Variants in SIM2 observed in about 807,000 individuals in gnomAD.
SIM2 encodes SIM bHLH transcription factor 2.
SIM2 carries 28 observed loss-of-function variants against 64.8 expected under a neutral mutation model. The ratio of observed to expected loss-of-function variants is 0.43; its 90% CI spans 0.32 to 0.59. The LOEUF (loss-of-function observed/expected upper bound fraction) is 0.59. SIM2 is among the 20% of genes least tolerant of loss of function. SIM2 has a pLI of 0.07. For synonymous variants in SIM2, 408 were observed against 391.1 expected, an observed-to-expected ratio of 1.04 and a Z score of -0.51; for missense variants, 847 against 871.4, an observed-to-expected ratio of 0.97 and a Z score of 0.35.
In SIM2 at chr21:36,709,185, G is replaced by A; in HGVS notation, c.193G>A (p.Gly65Arg). ...VFPEGLGDAW[G>R]QPSRAGPLDG... ...TCGTCCAGGTTTAGGAGACGCGTGG[G>A]GACAGCCGAGCCGCGCCGGGCCCCT... Residue 65 changes from glycine (G) to arginine (R), a missense_variant, in exon 2 of 11, where the codon GGA (glycine) becomes AGA (arginine). Physicochemically the swap from Gly to Arg is moderately radical, Grantham distance 125. This residue lies in a region of SIM2 where 397 missense variants were observed against 439.2 expected (regional missense o/e 0.90). Transcript: ENST00000290399. The A allele has an allele frequency of 1.2e-6, 2 of 1,610,010 alleles. No homozygotes were observed. Among genetic ancestry groups the A allele is most frequent in the East Asian group, 2.2e-5 (1 of 44,688 alleles).
At chr21:36,707,973 G>GTTCCTGGGGGGGGGAGCGGGCAT (rs780782783) in intron 1 of SIM2, among the ~76,000 whole-genome samples, 4 of 150,990 alleles carry the variant, frequency 2.6e-5, no homozygotes, top group South Asian at 2.1e-4. Context: ...GCCTGGCCCA[G>GTTCCTGGGGGGGGGAGCGGGCAT]CGTGGGTTGG....
intron 1 of SIM2, among the ~76,000 whole-genome samples, chr21:36,704,278 A>G (rs932630970): frequency 2.6e-5 from 4 of 152,366 alleles, no homozygotes; most frequent in African/African-American, 9.6e-5. Flanking sequence ...TTGGGTGAGG[A>G]GAAACTCACC....
rs1010250740 is a variant in SIM2 at position 36,741,982 on chromosome 21, G to GT, written c.998+126dup. ...TTCTCAAACTGTTCATTTGTCTTCT[G>GT]TTTTTTTTCTTTTTTTTAATTTTTT... On this transcript the variant is annotated intron_variant, in intron 8 of 10. Coordinates refer to ENST00000290399, the MANE Select transcript of SIM2 (RefSeq NM_005069.6). The GT allele has an allele frequency of 1.6e-4, 165 of 1,062,456 alleles. 1 individual carries two copies. The highest frequency in any genetic ancestry group is 1.3e-3 in the Middle Eastern group (6 of 4,562). 65.8% of individuals were successfully genotyped at this position (1,062,456 alleles called of 1,614,324 possible). A position where few individuals can be genotyped will look rare whatever the true frequency, so the allele number is the denominator to read the frequency against.
In SIM2 at chr21:36,745,367, G is replaced by C; in HGVS notation, c.1576+231G>C. 1.4e-6 allele frequency: 2 copies of C among 1,407,954 alleles called. No individual in the cohort carries two copies. The highest frequency in any genetic ancestry group is 2.7e-5 in the East Asian group (1 of 36,998). The allele number at this position is 1,407,954 out of a possible 1,614,324, so 87.2% of individuals were successfully genotyped here. On this transcript the variant is annotated intron_variant, in intron 10 of 10. Transcript: ENST00000290399. This position sits in a 1 kb window ranked among gnomAD's most constrained non-coding sequence, Gnocchi z 4.8. The stretch of plus-strand genomic sequence containing the variant: ...TCGGGGACACTAGTGACAGTATAAA[G>C]GGCAAAGGAAAACCGAGTATCTGGC...
chr21:36,723,094 G>A lies in SIM2; in HGVS notation c.507G>A (p.Ala169=), dbSNP rs2088845475. ...TTCTTCGAATGAAATGTGTCTTGGC[G>A]AAAAGGAACGCGGGCCTGACCTGCA... ...SFFLRMKCVL[A]KRNAGLTCSG... Residue 169 remains alanine, a synonymous_variant, in exon 5 of 11, where the codon GCG becomes GCA. Transcript: ENST00000290399. The A allele has an allele frequency of 9.9e-6, 16 of 1,614,168 alleles. No individual in the cohort carries two copies. The highest frequency in any genetic ancestry group is 1.3e-5 in the Non-Finnish European group (15 of 1,180,026).
At chr21:36,739,300 G>A (rs1367716713) in intron 7 of SIM2, among the ~76,000 whole-genome samples, 2 of 152,096 alleles carry the variant, frequency 1.3e-5, no homozygotes, top group African/African-American at 4.8e-5. Context: ...GTCACAGGGG[G>A]GTTGGTAGCT....
intron 1 of SIM2, among the ~76,000 whole-genome samples, chr21:36,707,216 C>G (rs1380118625): frequency 2.0e-5 from 3 of 152,242 alleles, no homozygotes; most frequent in African/African-American, 7.2e-5. Context: ...TTTTGGAAAT[C>G]AGAATTCCTG....
At chr21:36,733,774 G>T in intron 7 of SIM2, among the ~76,000 whole-genome samples, 1 of 152,006 alleles carries the variant, frequency 6.6e-6, no homozygotes, top group Non-Finnish European at 1.5e-5. Flanking sequence ...TGTTAGCCAG[G>T]ATGGTCTCAA....
intron 9 of SIM2, among the ~76,000 whole-genome samples, 171 bp from the exon 10 acceptor site, chr21:36,744,557 C>A (rs1028423996): frequency 4.6e-5 from 7 of 152,176 alleles, no homozygotes; most frequent in Non-Finnish European, 1.0e-4. Context: ...GAGCAGGTCA[C>A]TGGGGTATCG....
chr21:36,748,137 G>A lies in SIM2; in HGVS notation c.*45G>A. 1.8e-6 allele frequency: 2 copies of A among 1,099,796 alleles called. No individual in the cohort carries two copies. The highest frequency in any genetic ancestry group is 2.3e-6 in the Non-Finnish European group (2 of 887,832). The allele number at this position is 1,099,796 out of a possible 1,614,324, so 68.1% of individuals were successfully genotyped here. ...AGGAGCCTGGACCCGGCCTCCCGGGGCTGCGGCGCCACCGAGCCCGGCAAA... is the reference window on the plus strand; with the variant it reads ...AGGAGCCTGGACCCGGCCTCCCGGGACTGCGGCGCCACCGAGCCCGGCAAA... On this transcript the variant is annotated 3_prime_UTR_variant, in exon 11 of 11. Transcript: ENST00000290399.
intron 6 of SIM2, among the ~76,000 whole-genome samples, chr21:36,730,515 T>C (rs1291552712): frequency 6.6e-6 from 1 of 152,102 alleles, no homozygotes; most frequent in Non-Finnish European, 1.5e-5. Context: ...GACAGAGTGT[T>C]TGGGATCATG....
chr21:36,708,403 TGAA>T (rs1241241412), intron 1 of SIM2, among the ~76,000 whole-genome samples: 1 of 152,112 alleles, frequency 6.6e-6, no homozygotes, highest in Non-Finnish European at 1.5e-5. Flanking sequence ...GCGGAGGTGG[TGAA>T]GAAGGGCAGG....
rs1423339014 is a variant in SIM2, at chr21:36,745,105, T to C, written c.1545T>C (p.Thr515=). 1 of 1,612,466 alleles carries C rather than the reference T, an allele frequency of 6.2e-7. No individual in the cohort carries two copies. The highest frequency in any genetic ancestry group is 8.5e-7 in the Non-Finnish European group (1 of 1,179,044). The part of the protein sequence containing the change: ...AKNPPEPPAN[T]ARHSLVPSYE... ...ATCCTCCAGAGCCACCGGCGAACAC[T>C]GCTAGGCACAGCCTGGTGCCAAGCT... The change falls in exon 10 of 11, where the codon ACT becomes ACC. Residue 515 remains threonine, a synonymous_variant. Coordinates refer to ENST00000290399, the MANE Select transcript of SIM2 (RefSeq NM_005069.6). This position sits in a 1 kb window ranked among gnomAD's most constrained non-coding sequence, Gnocchi z 4.8.
chr21:36,713,096 G>A (rs542021398), intron 3 of SIM2, among the ~76,000 whole-genome samples: 22 of 152,178 alleles, frequency 1.4e-4, no homozygotes, highest in Admixed American at 2.6e-4. Flanking sequence ...ATGAGTGTTC[G>A]CATGGAATTC....
chr21:36,702,121 G>A (rs1268333041), intron 1 of SIM2, among the ~76,000 whole-genome samples: 3 of 152,196 alleles, frequency 2.0e-5, no homozygotes, highest in Non-Finnish European at 4.4e-5. Flanking sequence ...CCGGCTCTGT[G>A]CGTTCTGGCT....
intron 6 of SIM2, among the ~76,000 whole-genome samples, chr21:36,728,290 C>G (rs1254697042): frequency 6.6e-6 from 1 of 152,116 alleles, no homozygotes; most frequent in Non-Finnish European, 1.5e-5. Context: ...TCTAGGAAAC[C>G]CCTGAGACTG....
At chr21:36,727,720 G>GA (rs1181558005) in intron 6 of SIM2, among the ~76,000 whole-genome samples, 1 of 152,196 alleles carries the variant, frequency 6.6e-6, no homozygotes, top group Non-Finnish European at 1.5e-5. Context: ...TTGGCGGGGG[G>GA]AGGAGAGATA....
intron 8 of SIM2, among the ~76,000 whole-genome samples, 196 bp downstream of exon 8, chr21:36,742,060 G>A (rs563405136): frequency 2.0e-5 from 3 of 151,170 alleles, no homozygotes; most frequent in African/African-American, 7.3e-5. Flanking sequence ...TATGCTCAGC[G>A]GTGAAAGCCA....
rs2089237447 is a variant in SIM2, at chr21:36,747,070, G to A, written c.1577-595G>A. Among the ~76,000 whole-genome samples the A allele has an allele frequency of 6.6e-6, 1 of 150,808 alleles. No homozygotes were observed. Among genetic ancestry groups the A allele is most frequent in the Non-Finnish European group, 1.5e-5 (1 of 67,826 alleles). On this transcript the variant is annotated intron_variant, in intron 10 of 10. Coordinates refer to ENST00000290399, the MANE Select transcript of SIM2 (RefSeq NM_005069.6). This position sits in a 1 kb window ranked among gnomAD's most constrained non-coding sequence, Gnocchi z 4.5. Reference sequence around the variant, plus strand: ...AGACAAAAAAAACCCACAAGCCAGGGAGCTACTTAATGTCAGGCATCGGAC... The same window carrying A: ...AGACAAAAAAAACCCACAAGCCAGGAAGCTACTTAATGTCAGGCATCGGAC...
Sources: gnomAD v4.1 joint callset for allele counts (sites outside exome capture counted in the v4.1 genomes callset) on GRCh38, gnomAD v4.1.1 for gene constraint, gnomAD v4.1.1 regional missense constraint, Gnocchi (gnomAD v3.1) non-coding constraint, MANE v1.5 for transcripts, NCBI Gene and HGNC (gene_info 2026-07-23, HGNC 2026-07-21) for gene names.